GNB5: variants seen among roughly 807,000 people sequenced by gnomAD.
GNB5 encodes G protein subunit beta 5, also known as guanine nucleotide-binding protein subunit beta-5.
A neutral mutation model predicts 55.3 loss-of-function variants in GNB5; 37 were observed. The observed-to-expected ratio is 0.67, with a 90% CI of 0.51 to 0.88. The LOEUF is 0.88. GNB5 is among the 40% of genes least tolerant of loss of function. The pLI, the probability that GNB5 is intolerant of heterozygous loss-of-function variation, is 0.00. For synonymous variants in GNB5, 219 were observed against 198.5 expected (o/e 1.10, Z -0.87); for missense variants, 476 against 515.3 (o/e 0.92, Z 0.74).
intron 3 of GNB5, among the ~76,000 whole-genome samples, chr15:52,178,585 C>T (rs1340078375): frequency 2.0e-5 from 3 of 152,040 alleles, no homozygotes; most frequent in African/African-American, 7.2e-5. Flanking sequence ...TCCACCTTTG[C>T]TCTTGTTATG....
intron 3 of GNB5, among the ~76,000 whole-genome samples, chr15:52,163,261 G>A (rs1325833550): frequency 2.0e-5 from 3 of 152,224 alleles, no homozygotes; most frequent in Non-Finnish European, 4.4e-5. Context: ...CAGTGGCAGC[G>A]TGGCCACACA....
chr15:52,124,902 AC>A (rs2033381246), intron 11 of GNB5: 2 of 302,876 alleles, frequency 6.6e-6, no homozygotes, highest in Non-Finnish European at 1.2e-5. Flanking sequence ...GTGCTATGGG[AC>A]CAGAGAGGAA....
At chr15:52,170,978 C>T (rs1355874817) in intron 3 of GNB5, among the ~76,000 whole-genome samples, 1 of 151,196 alleles carries the variant, frequency 6.6e-6, no homozygotes, top group Non-Finnish European at 1.5e-5. Context: ...ACTATAATCC[C>T]AGCTACTTGG....
At chr15:52,137,788 T>C in intron 7 of GNB5, 1 of 1,244,344 alleles carries the variant, frequency 8.0e-7, no homozygotes, top group Non-Finnish European at 1.0e-6. Context: ...TGGAGCCAGC[T>C]GGGTACTGAC....
chr15:52,141,385 G>A, intron 6 of GNB5, 113 bp from the exon 7 acceptor site: 1 of 776,550 alleles, frequency 1.3e-6, no homozygotes, highest in Non-Finnish European at 2.0e-6. Context: ...ATCATATATT[G>A]TACCCTTTCC....
At chr15:52,164,062 G>T (rs1447175326) in intron 3 of GNB5, among the ~76,000 whole-genome samples, 1 of 152,124 alleles carries the variant, frequency 6.6e-6, no homozygotes, top group African/African-American at 2.4e-5. Context: ...CCAGCACTTT[G>T]GGAGGCCGAG....
intron 6 of GNB5, among the ~76,000 whole-genome samples, chr15:52,145,522 G>A (rs918364691): frequency 6.6e-6 from 1 of 151,974 alleles, no homozygotes; most frequent in Non-Finnish European, 1.5e-5. Flanking sequence ...GTGCACGCCT[G>A]TAGTCCCAGC....
At chr15:52,136,495 T>C (rs1276404038) in intron 7 of GNB5, among the ~76,000 whole-genome samples, 4 of 152,276 alleles carry the variant, frequency 2.6e-5, no homozygotes, top group African/African-American at 9.6e-5. Context: ...GGGTGGGGCC[T>C]GAGCGTCTAC....
chr15:52,158,648 C>CTTTTT (rs563293671), intron 3 of GNB5, among the ~76,000 whole-genome samples: 1 of 145,384 alleles, frequency 6.9e-6, no homozygotes, highest in Admixed American at 7.0e-5. Context: ...GCTCACCAAC[C>CTTTTT]TTTTTTTTTT....
At position 52,177,102 on chromosome 15, in the gene GNB5, T is replaced by G. The variant is rs1446589159; in HGVS notation, c.238+2666A>C. Among the ~76,000 whole-genome samples, 3 of 143,722 alleles carry G rather than the reference T, an allele frequency of 2.1e-5. No individual in the cohort carries two copies. In the East Asian group the frequency reaches 6.3e-4, roughly 30 times the overall value. The allele number at this position is 143,722 out of a possible 152,430, so 94.3% of individuals were successfully genotyped here. On this transcript the variant is annotated intron_variant, in intron 3 of 12. Coordinates refer to ENST00000261837, the MANE Select transcript of GNB5 (RefSeq NM_016194.4). ...CAGGCTGGAGTGCAGTGGCAAGATC[T>G]CGGCTCACTGCAACCTCCAACTCCC...
rs770919050 is a variant in GNB5, at chr15:52,147,528, G to A, written c.425C>T (p.Ala142Val). 55 of 1,581,282 alleles carry A rather than the reference G, an allele frequency of 3.5e-5. No individual in the cohort carries two copies. Among genetic ancestry groups the A allele is most frequent in the Admixed American group, 1.4e-4 (8 of 57,946 alleles). Residue 142 changes from alanine (A) to valine (V), a missense_variant, in exon 6 of 13, where the codon GCG becomes GTG. Coordinates refer to ENST00000261837, the MANE Select transcript of GNB5 (RefSeq NM_016194.4). The stretch of plus-strand genomic sequence containing the variant: ...CACCCACGTGCAGGGCATGGTGACC[G>A]CGTGCTCCTGAAACACAGCACAGAG... ...WDSFTTNKEH[A>V]VTMPCTWVMA...
In GNB5 at chr15:52,116,678, C is replaced by G. The variant is rs1345473966; in HGVS notation, c.*6079G>C. ...CTGGGGAGGCCATGAAGAGGGGATT[C>G]TCATGCTTGTATGCCTAATACCAAA... is the stretch of plus-strand genomic sequence containing the variant. On this transcript the variant is annotated 3_prime_UTR_variant, in exon 13 of 13. Transcript: ENST00000261837. 6.6e-6 allele frequency: 1 copy of G among 152,092 alleles called. No homozygotes were observed. Among genetic ancestry groups the G allele is most frequent in the Non-Finnish European group, 1.5e-5 (1 of 68,006 alleles). 9.4% of individuals were successfully genotyped at this position (152,092 alleles called of 1,614,324 possible).
intron 5 of GNB5, among the ~76,000 whole-genome samples, chr15:52,147,812 A>T (rs910201533): frequency 6.6e-6 from 1 of 152,116 alleles, no homozygotes. Context: ...CGAACTCCTG[A>T]CTTCAAGTGA....
chr15:52,174,015 G>T (rs1184593005), intron 3 of GNB5, among the ~76,000 whole-genome samples: 1 of 152,206 alleles, frequency 6.6e-6, no homozygotes, highest in Admixed American at 6.5e-5. Flanking sequence ...TTGAGATGGG[G>T]AGATTATCCT....
intron 3 of GNB5, among the ~76,000 whole-genome samples, chr15:52,168,105 C>T (rs926268392): frequency 6.6e-6 from 1 of 152,174 alleles, no homozygotes; most frequent in African/African-American, 2.4e-5. Context: ...CAAAGATGCC[C>T]TCTCTCTCCA....
chr15:52,171,594 G>GCAGCCT, intron 3 of GNB5, among the ~76,000 whole-genome samples: 1 of 152,196 alleles, frequency 6.6e-6, no homozygotes, highest in Admixed American at 6.5e-5. Context: ...TCTGATGGCT[G>GCAGCCT]CAGGAGGCAT....
intron 9 of GNB5, among the ~76,000 whole-genome samples, chr15:52,130,838 A>T (rs757081129): frequency 4.3e-4 from 66 of 152,240 alleles, no homozygotes; most frequent in Middle Eastern, 3.4e-3. Flanking sequence ...TTATTTTATT[A>T]TTTTTGAGAA....
chr15:52,187,674 T>C (rs12904880), intron 1 of GNB5, among the ~76,000 whole-genome samples: 37,009 of 152,096 alleles, frequency 0.24, 4,961 homozygotes, highest in Admixed American at 0.34. Flanking sequence ...CAGGGCCAGG[T>C]GTGGTGGCTC....
chr15:52,185,436 C>T (rs2034830902), intron 1 of GNB5, among the ~76,000 whole-genome samples: 1 of 152,224 alleles, frequency 6.6e-6, no homozygotes, highest in South Asian at 2.1e-4. Flanking sequence ...GCGTAAAGCA[C>T]TTAGCTCAAG....
Sources: gnomAD v4.1 joint callset for allele counts (sites outside exome capture counted in the v4.1 genomes callset) on GRCh38, gnomAD v4.1.1 for gene constraint, MANE v1.5 for transcripts, NCBI Gene and HGNC (gene_info 2026-07-23, HGNC 2026-07-21) for gene names.